Variants in ARL6 observed in about 807,000 individuals in gnomAD.
The protein encoded by ARL6 is ADP-ribosylation factor-like protein 6.
A neutral mutation model predicts 27.1 loss-of-function variants in ARL6; 18 were observed. The ratio of observed to expected loss-of-function variants is 0.66; its 90% CI spans 0.46 to 0.98. The LOEUF is 0.98. ARL6 is among the 50% of genes least tolerant of loss of function. The pLI is 0.00. For missense variants in ARL6, 187 were observed against 214.9 expected (o/e 0.87, Z 0.81); for synonymous variants, 65 against 72.3 (o/e 0.90, Z 0.51).
chr3:97,792,846 T>C (rs757859496), intron 7 of ARL6, among the ~76,000 whole-genome samples: 18 of 152,068 alleles, frequency 1.2e-4, no homozygotes, highest in Admixed American at 2.6e-4. Context: ...TAGAGATCAT[T>C]TCTACGGGGA....
At chr3:97,784,556 C>CAT (rs2037355696) in intron 4 of ARL6, among the ~76,000 whole-genome samples, 1 of 150,382 alleles carries the variant, frequency 6.6e-6, no homozygotes, top group Non-Finnish European at 1.5e-5. Flanking sequence ...ATTTTAAATA[C>CAT]ATATATAGTT....
chr3:97,771,005 T>G (rs898684598), intron 2 of ARL6, among the ~76,000 whole-genome samples: 8 of 152,006 alleles, frequency 5.3e-5, no homozygotes, highest in Non-Finnish European at 1.2e-4. Flanking sequence ...CTATTTGGGG[T>G]CTTTTATGGT....
intron 5 of ARL6, among the ~76,000 whole-genome samples, chr3:97,785,454 G>T (rs1023472350): frequency 2.7e-5 from 4 of 149,160 alleles, no homozygotes; most frequent in African/African-American, 9.8e-5. Flanking sequence ...GAGTTTGTGT[G>T]TGTTTAATTA....
rs35536614 is a variant in ARL6, at chr3:97,773,399, C to T, written c.123+5169C>T. Among the ~76,000 whole-genome samples, 958 of 152,312 alleles carry T rather than the reference C, an allele frequency of 6.3e-3. 8 individuals carry two copies. Among genetic ancestry groups the T allele is most frequent in the African/African-American group, 0.021 (875 of 41,578 alleles). Reference sequence around the variant, plus strand: ...TATTAATCTCCTTTGGCAGCACCCTCACAGACACACCCAGGATCAATACTT... The same window carrying T: ...TATTAATCTCCTTTGGCAGCACCCTTACAGACACACCCAGGATCAATACTT... On this transcript the variant is annotated intron_variant, in intron 2 of 7. Transcript: ENST00000463745.
intron 2 of ARL6, 137 bp downstream of exon 2, chr3:97,768,367 C>A (rs763806217): frequency 7.2e-6 from 6 of 831,600 alleles, no homozygotes; most frequent in African/African-American, 1.7e-5. Context: ...CTTTAAGTAT[C>A]CTCAGCCATA....
intron 2 of ARL6, among the ~76,000 whole-genome samples, chr3:97,778,716 A>G (rs568259784): frequency 6.6e-6 from 1 of 152,288 alleles, no homozygotes; most frequent in African/African-American, 2.4e-5. Context: ...TTTACTTATC[A>G]TGATAAGTTT....
chr3:97,781,098 C>T (rs2037175402), intron 4 of ARL6, among the ~76,000 whole-genome samples: 1 of 152,008 alleles, frequency 6.6e-6, no homozygotes, highest in Admixed American at 6.5e-5. Flanking sequence ...GCACCATAGC[C>T]GCCTCCCTAG....
intron 1 of ARL6, 123 bp from the exon 2 acceptor site, chr3:97,767,958 T>C (rs1046598850): frequency 5.2e-5 from 45 of 870,814 alleles, no homozygotes; most frequent in Non-Finnish European, 3.3e-5. Flanking sequence ...CAAAGCTACA[T>C]TGACATAGTT....
chr3:97,780,109 A>G, intron 2 of ARL6, 50 bp from the exon 3 acceptor site: 1 of 1,456,684 alleles, frequency 6.9e-7, no homozygotes, highest in East Asian at 2.3e-5. Context: ...CTTGAGGAAA[A>G]CTCATCTCTG....
At chr3:97,782,319 A>G (rs1006981610) in intron 4 of ARL6, among the ~76,000 whole-genome samples, 1 of 151,958 alleles carries the variant, frequency 6.6e-6, no homozygotes, top group African/African-American at 2.4e-5. Context: ...AGAAAATAGT[A>G]GGAAAGTAAA....
rs958618764 is a variant in ARL6, at chr3:97,772,406, C to CT, written c.123+4185dup. 1.1e-4 allele frequency among the ~76,000 whole-genome samples: 17 copies of CT among 150,732 alleles called. No individual in the cohort carries two copies. The South Asian group carries it at 1.3e-3, about 11-fold the overall frequency. The stretch of plus-strand genomic sequence containing the variant: ...TTCTAATTTCATTTATTTGGATCCT[C>CT]TTTTTTTTTCCTAGTTTATCTAATG... On this transcript the variant is annotated intron_variant, in intron 2 of 7. Coordinates refer to ENST00000463745, the MANE Select transcript of ARL6 (RefSeq NM_001278293.3).
chr3:97,785,051 T>C lies in ARL6; in HGVS notation c.349+2T>C. ...TCGATACTCTTCTGAATCATCCAGG[T>C]ATGTGTGTGTCTTTCAGTCTGTATC... On this transcript the variant is annotated splice_donor_variant, in intron 5 of 7. Coordinates refer to ENST00000463745, the MANE Select transcript of ARL6 (RefSeq NM_001278293.3). LOFTEE classifies it high-confidence loss of function. 1 of 1,609,942 alleles carries C rather than the reference T, an allele frequency of 6.2e-7. No homozygotes were observed. The highest frequency in any genetic ancestry group is 2.2e-5 in the East Asian group (1 of 44,692).
Position 97,800,827 on chromosome 3 carries a change from T to C in ARL6, c.*2778T>C, listed in dbSNP as rs1311259859. The C allele has an allele frequency of 2.0e-5, 3 of 152,178 alleles. No homozygotes were observed. Among genetic ancestry groups the C allele is most frequent in the Admixed American group, 6.5e-5 (1 of 15,268 alleles). 9.4% of individuals were successfully genotyped at this position (152,178 alleles called of 1,614,324 possible). A position where few individuals can be genotyped will look rare whatever the true frequency, so the allele number is the denominator to read the frequency against. On this transcript the variant is annotated 3_prime_UTR_variant, in exon 8 of 8. Coordinates refer to ENST00000463745, the MANE Select transcript of ARL6 (RefSeq NM_001278293.3). ...TGGTTGGGTTCTGGTGAGAGCCGTC[T>C]TGGTTGCAGACTGCCATCTTCTTGT...
rs572173920 is a variant in ARL6, at chr3:97,774,450, C to T, written c.124-5709C>T. On this transcript the variant is annotated intron_variant, in intron 2 of 7. Transcript: ENST00000463745. ...AGGCCATCACTGTTGTCCCAGGCAG[C>T]GCAGGGTTTATCTCCTCAGACAAAG... 5.3e-5 allele frequency among the ~76,000 whole-genome samples: 8 copies of T among 151,914 alleles called. No homozygotes were observed. In the South Asian group the frequency reaches 8.3e-4, roughly 16 times the overall value.
chr3:97,765,211 GGTGTGTGTGTGTGT>G (rs71113866), intron 1 of ARL6, among the ~76,000 whole-genome samples: 6 of 105,534 alleles, frequency 5.7e-5, no homozygotes, highest in Non-Finnish European at 1.1e-4. Context: ...GTGTATTGGG[GGTGTGTGTGTGTGT>G]GTGTGTGTGT....
chr3:97,765,143 TAA>T (rs2036307023), intron 1 of ARL6, among the ~76,000 whole-genome samples, 166 bp downstream of exon 1: 1 of 152,080 alleles, frequency 6.6e-6, no homozygotes, highest in Non-Finnish European at 1.5e-5. Context: ...GAAAACTTAC[TAA>T]ACTGGTTTGG....
chr3:97,784,467 A>G (rs1248669256), intron 4 of ARL6, among the ~76,000 whole-genome samples: 1 of 151,378 alleles, frequency 6.6e-6, no homozygotes, highest in African/African-American at 2.4e-5. Flanking sequence ...AAGTAGTAGT[A>G]AAACCATAGT....
Position 97,785,129 on chromosome 3 carries a change from T to C in ARL6, c.349+80T>C, listed in dbSNP as rs2037389229. 2.9e-6 allele frequency: 3 copies of C among 1,050,488 alleles called. No individual in the cohort carries two copies. In the South Asian group the frequency reaches 4.1e-5, roughly 14 times the overall value. 65.1% of individuals were successfully genotyped at this position (1,050,488 alleles called of 1,614,324 possible). A position where few individuals can be genotyped will look rare whatever the true frequency, so the allele number is the denominator to read the frequency against. ...TGTTTTGTTCTTTGGGTATTGCTTA[T>C]ACTATGTAATTATCTTTCATTTAAA... is the stretch of plus-strand genomic sequence containing the variant. On this transcript the variant is annotated intron_variant, in intron 5 of 7. Coordinates refer to ENST00000463745, the MANE Select transcript of ARL6 (RefSeq NM_001278293.3).
At chr3:97,766,106 A>C (rs913523479) in intron 1 of ARL6, 3 of 152,176 alleles carry the variant, frequency 2.0e-5, no homozygotes, top group African/African-American at 7.2e-5. Flanking sequence ...TGAAAAACGA[A>C]TATTCAAGCA....
Sources: allele counts gnomAD v4.1 joint callset (sites outside exome capture counted in the v4.1 genomes callset), GRCh38; gene constraint gnomAD v4.1.1; transcripts MANE v1.5; gene names NCBI Gene and HGNC (gene_info 2026-07-23, HGNC 2026-07-21).